The following SLC10A7 variants were observed in gnomAD, a reference collection of about 807,000 sequenced individuals.
SLC10A7 encodes the protein sodium/bile acid cotransporter 7.
A neutral mutation model predicts 43.2 loss-of-function variants in SLC10A7; 29 were observed. The observed-to-expected ratio is 0.67, with a 90% CI of 0.50 to 0.92. The LOEUF is 0.92. SLC10A7 is among the 40% of genes least tolerant of loss of function. The pLI is 0.00. For synonymous variants in SLC10A7, 152 were observed against 144.8 expected (o/e 1.05, Z -0.35); for missense variants, 295 against 403.2 (o/e 0.73, Z 2.30).
Position 146,432,894 on chromosome 4 carries a change from C to T in SLC10A7, c.435+9889G>A, listed in dbSNP as rs537893946. On this transcript the variant is annotated intron_variant, in intron 5 of 11. Transcript: ENST00000335472. Reference sequence around the variant, plus strand: ...TTCTAGTAAAATACAAAAAATTAGCCGGGCGTGGTGGTACGCGCCTGTAGT... The same window carrying T: ...TTCTAGTAAAATACAAAAAATTAGCTGGGCGTGGTGGTACGCGCCTGTAGT... 2.4e-4 allele frequency among the ~76,000 whole-genome samples: 37 copies of T among 151,746 alleles called. No homozygotes were observed. In the East Asian group the frequency reaches 7.2e-3, roughly 29 times the overall value.
At chr4:146,374,637 CACACACACACACACACACACACACAT>C (rs1272822438) in intron 5 of SLC10A7, among the ~76,000 whole-genome samples, 1 of 140,340 alleles carries the variant, frequency 7.1e-6, no homozygotes, top group Non-Finnish European at 1.5e-5. Flanking sequence ...CACACACACA[CACACACACACACACACACACACACAT>C]ATATATATAT....
intron 10 of SLC10A7, among the ~76,000 whole-genome samples, chr4:146,274,702 T>C (rs1416029027): frequency 2.0e-5 from 3 of 152,094 alleles, no homozygotes; most frequent in African/African-American, 4.8e-5. Flanking sequence ...ATTGAAACCA[T>C]GGAATGAGGA....
chr4:146,419,503 T>G (rs1481679067), intron 5 of SLC10A7, among the ~76,000 whole-genome samples: 1 of 152,208 alleles, frequency 6.6e-6, no homozygotes, highest in East Asian at 1.9e-4. Flanking sequence ...ATTTTACACT[T>G]TTATTTTGAA....
chr4:146,277,186 G>C (rs1729264020), intron 10 of SLC10A7, among the ~76,000 whole-genome samples: 1 of 152,130 alleles, frequency 6.6e-6, no homozygotes, highest in Non-Finnish European at 1.5e-5. Flanking sequence ...AGGAGGAATA[G>C]AGCATGAGAG....
chr4:146,453,960 G>T (rs1351161767), intron 4 of SLC10A7, among the ~76,000 whole-genome samples: 2 of 151,856 alleles, frequency 1.3e-5, no homozygotes, highest in African/African-American at 4.8e-5. Flanking sequence ...TAACATAGCT[G>T]CTTTGATTTC....
chr4:146,274,834 C>A (rs1171286689), intron 10 of SLC10A7, among the ~76,000 whole-genome samples: 1 of 152,122 alleles, frequency 6.6e-6, no homozygotes, highest in Non-Finnish European at 1.5e-5. Context: ...ATTCTTTTGG[C>A]TGATGATGGA....
intron 4 of SLC10A7, among the ~76,000 whole-genome samples, chr4:146,471,248 T>G (rs570141557): frequency 1.3e-5 from 2 of 152,184 alleles, no homozygotes; most frequent in Non-Finnish European, 2.9e-5. Flanking sequence ...ATACTGAACT[T>G]GTAGAAATAG....
At chr4:146,447,779 C>T (rs1389886138) in intron 4 of SLC10A7, among the ~76,000 whole-genome samples, 1 of 151,518 alleles carries the variant, frequency 6.6e-6, no homozygotes, top group Non-Finnish European at 1.5e-5. Flanking sequence ...CCAATTTTAC[C>T]CAATATAAGA....
chr4:146,438,810 T>C (rs1017726380), intron 5 of SLC10A7, among the ~76,000 whole-genome samples: 3 of 151,936 alleles, frequency 2.0e-5, no homozygotes, highest in Non-Finnish European at 4.4e-5. Flanking sequence ...TCTTTTGAAA[T>C]TAAAGAAAAA....
intron 5 of SLC10A7, among the ~76,000 whole-genome samples, chr4:146,368,786 GA>G (rs937108477): frequency 8.5e-5 from 13 of 152,056 alleles, no homozygotes; most frequent in Admixed American, 4.6e-4. Flanking sequence ...AATAACCTGG[GA>G]AAAAAATGAT....
At chr4:146,265,858 G>A (rs1401598946) in intron 10 of SLC10A7, among the ~76,000 whole-genome samples, 1 of 152,178 alleles carries the variant, frequency 6.6e-6, no homozygotes, top group Non-Finnish European at 1.5e-5. Context: ...CTGGACTGAC[G>A]AAGGAATACA....
At chr4:146,303,130 C>T (rs907221637) in intron 7 of SLC10A7, among the ~76,000 whole-genome samples, 1 of 152,168 alleles carries the variant, frequency 6.6e-6, no homozygotes, top group African/African-American at 2.4e-5. Context: ...AGACCAGGTG[C>T]TCTTGCCTTA....
chr4:146,293,033 G>A, intron 8 of SLC10A7, 53 bp from the exon 9 acceptor site: 1 of 1,160,668 alleles, frequency 8.6e-7, no homozygotes. Context: ...AGTATTTGTA[G>A]CATACTTATT....
At chr4:146,310,433 C>T (rs1306689566) in intron 6 of SLC10A7, among the ~76,000 whole-genome samples, 3 of 152,158 alleles carry the variant, frequency 2.0e-5, no homozygotes, top group Admixed American at 2.0e-4. Context: ...TACATTCCCA[C>T]TAATTGTGCA....
chr4:146,332,092 G>T (rs1414799767), intron 5 of SLC10A7, among the ~76,000 whole-genome samples: 5 of 152,164 alleles, frequency 3.3e-5, no homozygotes, highest in Non-Finnish European at 7.4e-5. Context: ...GTGAGCAAGG[G>T]CCTCTTTCCT....
intron 3 of SLC10A7, among the ~76,000 whole-genome samples, chr4:146,506,298 A>C (rs1736888281): frequency 6.6e-6 from 1 of 152,206 alleles, no homozygotes; most frequent in Admixed American, 6.5e-5. Context: ...GAATACATAT[A>C]TCTTCTATGA....
chr4:146,435,507 T>A (rs955091925), intron 5 of SLC10A7, among the ~76,000 whole-genome samples: 2 of 152,144 alleles, frequency 1.3e-5, no homozygotes, highest in African/African-American at 4.8e-5. Flanking sequence ...CACACACAAT[T>A]AGGACTTGAT....
chr4:146,408,846 G>A (rs1473754316), intron 5 of SLC10A7, among the ~76,000 whole-genome samples: 2 of 151,900 alleles, frequency 1.3e-5, no homozygotes, highest in Admixed American at 6.6e-5. Flanking sequence ...GCCTTAGTGG[G>A]GTGACATCAG....
intron 4 of SLC10A7, among the ~76,000 whole-genome samples, chr4:146,468,648 G>C (rs758030345): frequency 6.6e-6 from 1 of 151,862 alleles, no homozygotes; most frequent in South Asian, 2.1e-4. Flanking sequence ...TTTTAGTAGC[G>C]ACAGGGTTTT....
Sources: gnomAD v4.1 joint callset for allele counts (sites outside exome capture counted in the v4.1 genomes callset) on GRCh38, gnomAD v4.1.1 for gene constraint, MANE v1.5 for transcripts, NCBI Gene and HGNC (gene_info 2026-07-23, HGNC 2026-07-21) for gene names.